Variants in DPH5 observed in about 807,000 individuals in gnomAD.
DPH5 encodes diphthine methyl ester synthase.
A neutral mutation model predicts 31.6 loss-of-function variants in DPH5; 31 were observed. That is an observed-to-expected ratio of 0.98 (90% CI 0.74 to 1.32). DPH5 has a LOEUF of 1.32. DPH5 is among the 40% of genes most tolerant of loss of function. The probability of loss-of-function intolerance (pLI) is 0.00; values close to 1 mark genes in which losing one functional copy is unlikely to be tolerated. For synonymous variants in DPH5, 120 were observed against 115.0 expected (o/e 1.04, Z -0.28); for missense variants, 309 against 335.7 (o/e 0.92, Z 0.62).
intron 4 of DPH5, among the ~76,000 whole-genome samples, chr1:101,008,362 T>C (rs992447071): frequency 7.2e-5 from 11 of 152,220 alleles, no homozygotes; most frequent in African/African-American, 2.7e-4. Flanking sequence ...TGGTGTGGTT[T>C]GAAAACCAAC....
At chr1:100,992,601 G>C in intron 7 of DPH5, 36 bp downstream of exon 7, 1 of 1,458,642 alleles carries the variant, frequency 6.9e-7, no homozygotes, top group South Asian at 1.1e-5. Flanking sequence ...TAGTAACAGA[G>C]GAATAATATG....
At chr1:100,995,243 G>A in intron 5 of DPH5, 94 bp from the exon 6 acceptor site, 3 of 729,052 alleles carry the variant, frequency 4.1e-6, no homozygotes, top group Non-Finnish European at 6.9e-6. Context: ...TAAATTTTGG[G>A]GAAACACTCT....
At chr1:101,003,655 A>G (rs1226955778) in intron 4 of DPH5, among the ~76,000 whole-genome samples, 1 of 152,206 alleles carries the variant, frequency 6.6e-6, no homozygotes, top group Non-Finnish European at 1.5e-5. Flanking sequence ...CACATGGAAA[A>G]GTCTTAGTGT....
intron 5 of DPH5, among the ~76,000 whole-genome samples, chr1:100,999,823 G>A (rs925125954): frequency 6.7e-6 from 1 of 149,222 alleles, no homozygotes. Context: ...TGGGCAACAA[G>A]AGCAAGGCTC....
chr1:100,999,636 C>T (rs1007620880), intron 5 of DPH5, among the ~76,000 whole-genome samples: 3 of 151,472 alleles, frequency 2.0e-5, no homozygotes, highest in Admixed American at 1.3e-4. Context: ...GTCAGGAGTT[C>T]GAGACCAGTT....
chr1:100,992,739 C>T lies in DPH5; in HGVS notation c.532G>A (p.Gly178Arg). Reference sequence around the variant, plus strand: ...CGTGGAGGTTCATAGATCTTCCTTCCCCTATAGGCAGAAAACTAGATGCCA... The same window carrying T: ...CGTGGAGGTTCATAGATCTTCCTTCTCCTATAGGCAGAAAACTAGATGCCA... Reference protein sequence around the residue: ...KEQSLENLIKGRKIYEPPRYM... With the variant: ...KEQSLENLIKRRKIYEPPRYM... Residue 178 changes from glycine to arginine, a missense_variant and splice_region_variant, in exon 7 of 8, where the codon GGA becomes AGA. Coordinates refer to ENST00000370109, the MANE Select transcript of DPH5 (RefSeq NM_015958.3). 6.2e-7 allele frequency: 1 copy of T among 1,609,274 alleles called. No individual in the cohort carries two copies. The highest frequency in any genetic ancestry group is 8.5e-7 in the Non-Finnish European group (1 of 1,176,286).
intron 4 of DPH5, among the ~76,000 whole-genome samples, chr1:101,012,665 G>T (rs1320287001): frequency 6.6e-6 from 1 of 152,176 alleles, no homozygotes; most frequent in Admixed American, 6.5e-5. Context: ...TAAAAAGTAT[G>T]CATTTTGGAC....
Position 100,990,198 on chromosome 1 carries a change from C to A in DPH5, c.*210G>T. Reference sequence around the variant, plus strand: ...AGAATGAGAGCCAGTAGGGGAAATGCCAGGCACTTATAAAACCATCAGATC... The same window carrying A: ...AGAATGAGAGCCAGTAGGGGAAATGACAGGCACTTATAAAACCATCAGATC... On this transcript the variant is annotated 3_prime_UTR_variant, in exon 8 of 8. Coordinates refer to ENST00000370109, the MANE Select transcript of DPH5 (RefSeq NM_015958.3). 1 of 554,206 alleles carries A rather than the reference C, an allele frequency of 1.8e-6. No individual in the cohort carries two copies. The highest frequency in any genetic ancestry group is 2.2e-5 in the South Asian group (1 of 45,556). The allele number at this position is 554,206 out of a possible 1,614,324, so 34.3% of individuals were successfully genotyped here.
At chr1:101,019,242 G>A (rs918791403) in intron 3 of DPH5, among the ~76,000 whole-genome samples, 8 of 152,078 alleles carry the variant, frequency 5.3e-5, no homozygotes, top group Non-Finnish European at 1.0e-4. Flanking sequence ...CTTTCTTTGT[G>A]TGATCTATTT....
intron 4 of DPH5, among the ~76,000 whole-genome samples, chr1:101,007,985 A>T (rs1659360077): frequency 6.6e-6 from 1 of 152,228 alleles, no homozygotes; most frequent in African/African-American, 2.4e-5. Flanking sequence ...AGGAATTTAA[A>T]AACATGATTT....
At chr1:101,015,044 A>T (rs1257691138) in intron 3 of DPH5, among the ~76,000 whole-genome samples, 1 of 152,212 alleles carries the variant, frequency 6.6e-6, no homozygotes. Context: ...AAAGTCATTC[A>T]GGAGGGTTGG....
intron 6 of DPH5, among the ~76,000 whole-genome samples, chr1:100,993,890 G>A (rs1658087825): frequency 6.6e-6 from 1 of 151,512 alleles, no homozygotes; most frequent in East Asian, 1.9e-4. Context: ...ACAGGTGCCT[G>A]CCACCATGCC....
chr1:101,013,101 A>T (rs1451572086), intron 4 of DPH5, among the ~76,000 whole-genome samples: 1 of 152,216 alleles, frequency 6.6e-6, no homozygotes, highest in Non-Finnish European at 1.5e-5. Flanking sequence ...GTCATGGATT[A>T]TCCATGTGTG....
rs1425420698 is a variant in DPH5 at position 100,990,635 on chromosome 1, T to C, written c.635-4A>G. ...CAAAGTGTCTCCTCGGTAACTGCTA[T>C]TAAAAAAAAAAGATACTGCTATTCA... On this transcript the variant is annotated splice_region_variant and splice_polypyrimidine_tract_variant and intron_variant, in intron 7 of 7. Transcript: ENST00000370109. 3 of 1,607,990 alleles carry C rather than the reference T, an allele frequency of 1.9e-6. No individual in the cohort carries two copies. The highest frequency in any genetic ancestry group is 1.4e-5 in the African/African-American group (1 of 74,058).
intron 3 of DPH5, among the ~76,000 whole-genome samples, chr1:101,017,647 T>C (rs768320469): frequency 1.4e-4 from 21 of 152,192 alleles, no homozygotes; most frequent in Non-Finnish European, 2.8e-4. Flanking sequence ...AAGTAGAACC[T>C]GTGGACTGGT....
intron 7 of DPH5, 112 bp from the exon 8 acceptor site, chr1:100,990,743 A>G: frequency 9.9e-7 from 1 of 1,013,892 alleles, no homozygotes. Context: ...AATATCTTAA[A>G]TCTCTTTTGC....
At chr1:100,992,116 C>G (rs1315321377) in intron 7 of DPH5, among the ~76,000 whole-genome samples, 1 of 151,526 alleles carries the variant, frequency 6.6e-6, no homozygotes, top group Non-Finnish European at 1.5e-5. Context: ...AAAAAAGAAC[C>G]TCCCATAAAG....
intron 4 of DPH5, among the ~76,000 whole-genome samples, chr1:101,006,240 C>A (rs1337251831): frequency 6.6e-6 from 1 of 152,026 alleles, no homozygotes; most frequent in Non-Finnish European, 1.5e-5. Flanking sequence ...TGAGAATGGA[C>A]TAATACAACA....
At chr1:101,006,977 G>A (rs551411167) in intron 4 of DPH5, among the ~76,000 whole-genome samples, 1 of 152,146 alleles carries the variant, frequency 6.6e-6, no homozygotes, top group African/African-American at 2.4e-5. Flanking sequence ...TCATGGAACT[G>A]TCTCATTTAT....
Sources: allele counts gnomAD v4.1 joint callset (sites outside exome capture counted in the v4.1 genomes callset), GRCh38; gene constraint gnomAD v4.1.1; transcripts MANE v1.5; gene names NCBI Gene and HGNC (gene_info 2026-07-23, HGNC 2026-07-21).